MRPS6: variants seen among roughly 807,000 people sequenced by gnomAD.
MRPS6 encodes small ribosomal subunit protein bS6m.
In MRPS6, 6 loss-of-function variants were observed where a neutral mutation model predicts 13.1. The observed-to-expected ratio is 0.46, with a 90% CI of 0.25 to 0.91. The LOEUF (loss-of-function observed/expected upper bound fraction) is 0.91, where lower values mean the gene tolerates loss of function less well. Among genes scored for constraint, MRPS6 ranks in the 40% least tolerant of loss-of-function variants. MRPS6 has a pLI of 0.18. For synonymous variants in MRPS6, 61 were observed against 56.5 expected, an observed-to-expected ratio of 1.08 and a Z score of -0.36; for missense variants, 164 against 155.6, an observed-to-expected ratio of 1.05 and a Z score of -0.29.
At chr21:34,137,261 T>C (rs1261634037) in intron 2 of MRPS6, among the ~76,000 whole-genome samples, 4 of 152,214 alleles carry the variant, frequency 2.6e-5, no homozygotes, top group African/African-American at 4.8e-5. Context: ...AATTTTTGTT[T>C]AACTTGGAGA....
chr21:34,132,976 A>C (rs1335441014), intron 2 of MRPS6, among the ~76,000 whole-genome samples: 3 of 152,164 alleles, frequency 2.0e-5, no homozygotes, highest in African/African-American at 7.2e-5. Context: ...AAAGGAGGCA[A>C]CGTGTAGGAA....
At position 34,140,284 on chromosome 21, in the gene MRPS6, A is replaced by G. The variant is rs116550064; in HGVS notation, c.186-2124A>G. On this transcript the variant is annotated intron_variant, in intron 2 of 2. Transcript: ENST00000399312. ...GAATTTCCTGACAAGTATTGCTTTC[A>G]TGGCATCCCCCAAATTTTGATTTGT... 1.1e-3 allele frequency among the ~76,000 whole-genome samples: 161 copies of G among 151,524 alleles called. 1 individual carries two copies. The highest frequency in any genetic ancestry group is 3.0e-3 in the African/African-American group (123 of 41,258).
At chr21:34,134,096 C>T (rs1243604482) in intron 2 of MRPS6, among the ~76,000 whole-genome samples, 2 of 152,182 alleles carry the variant, frequency 1.3e-5, no homozygotes, top group East Asian at 3.8e-4. Context: ...GTTGATCACA[C>T]TATTTTAAGC....
In MRPS6 at chr21:34,095,501, C is replaced by T. The variant is rs371000130; in HGVS notation, c.45+21756C>T. Reference sequence around the variant, plus strand: ...TGGGATGGGTTTTCATCCCAATTTACATCCGGTCAGGGGTATATACCATGC... The same window carrying T: ...TGGGATGGGTTTTCATCCCAATTTATATCCGGTCAGGGGTATATACCATGC... On this transcript the variant is annotated intron_variant, in intron 1 of 2. Coordinates refer to ENST00000399312, the MANE Select transcript of MRPS6 (RefSeq NM_032476.4). 3.1e-6 allele frequency: 5 copies of T among 1,614,082 alleles called. No individual in the cohort carries two copies. In the Admixed American group the frequency reaches 6.7e-5, roughly 22 times the overall value.
intron 2 of MRPS6, among the ~76,000 whole-genome samples, chr21:34,132,674 C>T (rs1036455800): frequency 2.0e-5 from 3 of 152,076 alleles, no homozygotes; most frequent in African/African-American, 4.8e-5. Flanking sequence ...GTCTGGAGTC[C>T]GGAGCTTGAC....
intron 1 of MRPS6, among the ~76,000 whole-genome samples, chr21:34,110,528 A>G (rs112713848): frequency 0.012 from 1,754 of 152,312 alleles, 38 homozygotes; most frequent in South Asian, 0.081. Context: ...CTTTTATACA[A>G]TGTGTATTGA....
At chr21:34,133,732 C>T (rs1602965972) in intron 2 of MRPS6, among the ~76,000 whole-genome samples, 1 of 152,240 alleles carries the variant, frequency 6.6e-6, no homozygotes, top group Non-Finnish European at 1.5e-5. Context: ...CAGCACATTA[C>T]TCTAAGCACA....
chr21:34,139,242 C>T (rs376259447), intron 2 of MRPS6, among the ~76,000 whole-genome samples: 1,690 of 150,046 alleles, frequency 0.011, 31 homozygotes, highest in South Asian at 0.076. Flanking sequence ...TGCTAAATGA[C>T]GAGTTAATGG....
rs1979126661 is a variant in MRPS6, at chr21:34,099,375, G to A, written c.45+25630G>A. On this transcript the variant is annotated intron_variant, in intron 1 of 2. Coordinates refer to ENST00000399312, the MANE Select transcript of MRPS6 (RefSeq NM_032476.4). ...TTTGTTCAGATGTGTCTGGACAAATGGTTGTCAATGTTTTGTCCTGTTTTT... is the reference window on the plus strand; with the variant it reads ...TTTGTTCAGATGTGTCTGGACAAATAGTTGTCAATGTTTTGTCCTGTTTTT... 10 of 1,000,076 alleles carry A rather than the reference G, an allele frequency of 1.0e-5. 1 individual carries two copies. In the South Asian group the frequency reaches 4.7e-4, roughly 47 times the overall value. 62.0% of individuals were successfully genotyped at this position (1,000,076 alleles called of 1,614,324 possible).
At chr21:34,123,482 C>T (rs1370209609) in intron 1 of MRPS6, 2 of 152,070 alleles carry the variant, frequency 1.3e-5, no homozygotes, top group Non-Finnish European at 2.9e-5. Context: ...CAGGCGTTTC[C>T]ACTTAATAGC....
chr21:34,119,819 T>G (rs984998088), intron 1 of MRPS6, among the ~76,000 whole-genome samples: 1 of 152,210 alleles, frequency 6.6e-6, no homozygotes, highest in Non-Finnish European at 1.5e-5. Flanking sequence ...TGGTGGTGGT[T>G]ATGATACTTC....
At chr21:34,097,762 A>T (rs1015241743) in intron 1 of MRPS6, 1 of 1,003,536 alleles carries the variant, frequency 1.0e-6, no homozygotes, top group South Asian at 4.7e-5. Flanking sequence ...CTGTCTCTGT[A>T]ATCCCTCCTA....
chr21:34,135,113 T>C (rs1316218633), intron 2 of MRPS6, among the ~76,000 whole-genome samples: 1 of 152,216 alleles, frequency 6.6e-6, no homozygotes, highest in Non-Finnish European at 1.5e-5. Context: ...TATCAATAGT[T>C]CACTCCTTTT....
chr21:34,083,318 G>A (rs998602752), intron 1 of MRPS6, among the ~76,000 whole-genome samples: 1 of 152,198 alleles, frequency 6.6e-6, no homozygotes, highest in Non-Finnish European at 1.5e-5. Context: ...GAAAGGTGCA[G>A]AATCAGTGTA....
intron 1 of MRPS6, among the ~76,000 whole-genome samples, chr21:34,112,877 T>G (rs753464619): frequency 6.6e-6 from 1 of 152,030 alleles, no homozygotes; most frequent in African/African-American, 2.4e-5. Context: ...CTGAGGGTTT[T>G]GTGGGTGCGG....
chr21:34,085,893 C>T (rs1325534028), intron 1 of MRPS6, among the ~76,000 whole-genome samples: 4 of 152,130 alleles, frequency 2.6e-5, no homozygotes, highest in Admixed American at 6.5e-5. Flanking sequence ...TGAGCCACTG[C>T]GCCCGGCCAG....
intron 1 of MRPS6, among the ~76,000 whole-genome samples, chr21:34,117,769 C>T (rs1198011278): frequency 6.6e-6 from 1 of 152,146 alleles, no homozygotes; most frequent in Non-Finnish European, 1.5e-5. Flanking sequence ...ACTCCACATG[C>T]AGGTGTCAGG....
chr21:34,126,302 C>T (rs531024310), intron 2 of MRPS6, among the ~76,000 whole-genome samples: 24 of 152,292 alleles, frequency 1.6e-4, no homozygotes, highest in Middle Eastern at 3.4e-3. Flanking sequence ...TGCTCTGCGA[C>T]GAGAATGCTG....
At chr21:34,093,304 A>G (rs942271662) in intron 1 of MRPS6, among the ~76,000 whole-genome samples, 1 of 151,304 alleles carries the variant, frequency 6.6e-6, no homozygotes, top group Non-Finnish European at 1.5e-5. Flanking sequence ...TGACACTTAG[A>G]AAGGATTTAA....
Sources: gnomAD v4.1 joint callset for allele counts (sites outside exome capture counted in the v4.1 genomes callset) on GRCh38, gnomAD v4.1.1 for gene constraint, MANE v1.5 for transcripts, NCBI Gene and HGNC (gene_info 2026-07-23, HGNC 2026-07-21) for gene names.